The following PUDP variants were observed in gnomAD, a reference collection of about 807,000 sequenced individuals.
The protein encoded by PUDP is pseudouridine-5'-phosphatase.
In PUDP, 8 loss-of-function variants were observed where a neutral mutation model predicts 9.4. That is an observed-to-expected ratio of 0.85 (90% CI 0.50 to 1.53). The LOEUF (loss-of-function observed/expected upper bound fraction) is 1.53, where lower values mean the gene tolerates loss of function less well. Among genes scored for constraint, PUDP ranks in the 40% most tolerant of loss-of-function variants. The pLI, the probability that PUDP is intolerant of heterozygous loss-of-function variation, is 0.00. For missense variants in PUDP, 188 were observed against 189.7 expected (o/e 0.99, Z 0.05); for synonymous variants, 99 against 80.7 (o/e 1.23, Z -1.22).
intron 3 of PUDP, among the ~76,000 whole-genome samples, chrX:6,975,371 T>A (rs1928938156): frequency 9.0e-6 from 1 of 111,561 alleles, no homozygotes; most frequent in South Asian, 3.8e-4. Context: ...TCTTTGATGT[T>A]GATGACCTTC....
chrX:6,742,673 G>A (rs1347888867), intron 3 of PUDP, among the ~76,000 whole-genome samples: 1 of 111,940 alleles, frequency 8.9e-6, no homozygotes, highest in African/African-American at 3.3e-5. Flanking sequence ...TACTCAGGAG[G>A]CTGAGGTGGG....
intron 1 of PUDP, among the ~76,000 whole-genome samples, chrX:7,134,203 T>C (rs1932687920): frequency 8.9e-6 from 1 of 112,130 alleles, no homozygotes; most frequent in Non-Finnish European, 1.9e-5. Flanking sequence ...TAAGCTAAAG[T>C]GGTTTTGGGC....
chrX:7,136,387 C>G (rs1932742871), intron 1 of PUDP, among the ~76,000 whole-genome samples: 1 of 112,230 alleles, frequency 8.9e-6, no homozygotes, highest in African/African-American at 3.2e-5. Context: ...TGTTATCAGT[C>G]AGTGACTTCT....
At chrX:7,072,366 G>C (rs1442574469) in intron 3 of PUDP, among the ~76,000 whole-genome samples, 1 of 112,159 alleles carries the variant, frequency 8.9e-6, no homozygotes, top group Non-Finnish European at 1.9e-5. Context: ...TACTCTATCT[G>C]TTTATGCAGT....
intron 3 of PUDP, among the ~76,000 whole-genome samples, chrX:6,752,832 C>G (rs1415612569): frequency 1.8e-5 from 2 of 111,405 alleles, no homozygotes; most frequent in Non-Finnish European, 3.8e-5. Context: ...GGTTGGTCAC[C>G]TAATACAGGA....
At position 6,968,866 on chromosome X, in the gene PUDP, C is replaced by T. The variant is rs745568287; in HGVS notation, c.*247+8267G>A. ...AACTCCTGGCCTCAAATGATCTGCC[C>T]GCCTCGGCCTCCCAAAGTGCTGGGT... On this transcript the variant is annotated intron_variant and NMD_transcript_variant, in intron 3 of 3. Coordinates refer to the PUDP transcript ENST00000655425. Among the ~76,000 whole-genome samples, 18 of 111,817 alleles carry T rather than the reference C, an allele frequency of 1.6e-4. No homozygotes were observed. The South Asian group carries it at 5.3e-3, about 33-fold the overall frequency.
At chrX:7,080,782 T>G (rs1385955852) in intron 2 of PUDP, among the ~76,000 whole-genome samples, 6 of 110,462 alleles carry the variant, frequency 5.4e-5, no homozygotes, top group African/African-American at 2.0e-4. Context: ...GACAGTCACG[T>G]GTGGCAGTGC....
chrX:7,018,349 A>G (rs924561199), intron 1 of PUDP, among the ~76,000 whole-genome samples: 2 of 112,027 alleles, frequency 1.8e-5, no homozygotes, highest in Non-Finnish European at 3.8e-5. Flanking sequence ...CCAAGCAAAC[A>G]CAACTATAAA....
intron 3 of PUDP, among the ~76,000 whole-genome samples, chrX:6,772,297 A>AT (rs1409758155): frequency 9.0e-6 from 1 of 111,316 alleles, no homozygotes; most frequent in Non-Finnish European, 1.9e-5. Flanking sequence ...AATGAAATAA[A>AT]TTTTTCCTCA....
downstream of PUDP, among the ~76,000 whole-genome samples, chrX:7,045,456 G>A (rs1019036394): frequency 8.9e-6 from 1 of 112,040 alleles, no homozygotes; most frequent in Admixed American, 9.4e-5. Context: ...CTGCATGCCA[G>A]GCTTCTGGTC....
In PUDP at chrX:7,050,432, G is replaced by A; in HGVS notation, c.551C>T (p.Ala184Val). 2 of 1,211,114 alleles carry A rather than the reference G, an allele frequency of 1.7e-6. No homozygotes were observed. The highest frequency in any genetic ancestry group is 3.5e-5 in the South Asian group (2 of 56,875). ...GACCACCTGCATCCCAGCTGCCAGG[G>A]CCGCCTCCACCCCATTGGGAGCATC... ...FEDAPNGVEA[A>V]LAAGMQVVMV... The change falls in exon 4 of 4, where the codon GCC (alanine) becomes GTC (valine). Residue 184 changes from alanine (A) to valine (V), a missense_variant. Ala to Val is a moderately conservative substitution (Grantham distance 64). Transcript: ENST00000381077.
At chrX:7,029,800 G>A (rs1350117656) in intron 1 of PUDP, among the ~76,000 whole-genome samples, 1 of 111,866 alleles carries the variant, frequency 8.9e-6, no homozygotes, top group Non-Finnish European at 1.9e-5. Flanking sequence ...ACACTCATTG[G>A]CTGGAGGGAT....
intron 3 of PUDP, among the ~76,000 whole-genome samples, chrX:6,960,389 G>C (rs1410945945): frequency 1.8e-5 from 2 of 111,617 alleles, no homozygotes; most frequent in African/African-American, 3.3e-5. Flanking sequence ...CCGCCTCCTC[G>C]TTCTCTCTCT....
At chrX:7,029,830 C>A (rs1288115695) in intron 1 of PUDP, among the ~76,000 whole-genome samples, 1 of 111,793 alleles carries the variant, frequency 8.9e-6, no homozygotes, top group Non-Finnish European at 1.9e-5. Flanking sequence ...TGGGAGCAGG[C>A]TCCTAAAAAG....
At chrX:6,963,134 C>T (rs1928732154) in intron 3 of PUDP, among the ~76,000 whole-genome samples, 1 of 112,298 alleles carries the variant, frequency 8.9e-6, no homozygotes, top group Non-Finnish European at 1.9e-5. Context: ...CATGCTTCTA[C>T]GATCTTTAAC....
intron 3 of PUDP, among the ~76,000 whole-genome samples, chrX:6,858,253 G>A (rs1395084261): frequency 1.8e-5 from 2 of 110,681 alleles, no homozygotes; most frequent in Non-Finnish European, 3.8e-5. Context: ...ATGGGGAGAG[G>A]GTACGGAAGC....
At chrX:7,119,929 A>T (rs1932294364) in intron 1 of PUDP, among the ~76,000 whole-genome samples, 1 of 112,188 alleles carries the variant, frequency 8.9e-6, no homozygotes, top group Non-Finnish European at 1.9e-5. Flanking sequence ...TTATACATAG[A>T]ACGCAAAGAG....
intron 3 of PUDP, among the ~76,000 whole-genome samples, chrX:6,935,173 A>T (rs1308288161): frequency 9.4e-6 from 1 of 106,825 alleles, no homozygotes; most frequent in Admixed American, 1.0e-4. Flanking sequence ...AAATCAACAG[A>T]ATATACATTT....
intron 3 of PUDP, among the ~76,000 whole-genome samples, chrX:6,810,674 G>A (rs753765824): frequency 1.2e-4 from 14 of 112,011 alleles, no homozygotes; most frequent in Non-Finnish European, 1.9e-4. Context: ...TCAATGATAA[G>A]ATTAGCTCCT....
Sources: allele counts gnomAD v4.1 joint callset (sites outside exome capture counted in the v4.1 genomes callset), GRCh38; gene constraint gnomAD v4.1.1; transcripts MANE v1.5; gene names NCBI Gene and HGNC (gene_info 2026-07-23, HGNC 2026-07-21).